Variants in PCDHGA9 observed in about 807,000 individuals in gnomAD.
PCDHGA9 encodes the protein protocadherin gamma-A9.
PCDHGA9 carries 37 observed loss-of-function variants against 62.5 expected under a neutral mutation model. The observed-to-expected ratio is 0.59, with a 90% CI of 0.46 to 0.78. The LOEUF (loss-of-function observed/expected upper bound fraction) is 0.78, where lower values mean the gene tolerates loss of function less well. Ranked by LOEUF, PCDHGA9 falls within the 30% of genes least tolerant of loss-of-function variation. The pLI, the probability that PCDHGA9 is intolerant of heterozygous loss-of-function variation, is 0.00. For synonymous variants in PCDHGA9, 459 were observed against 484.6 expected (o/e 0.95, Z 0.69); for missense variants, 1,138 against 1,166.2 (o/e 0.98, Z 0.35).
At chr5:141,478,670 C>T (rs1413742587) in intron 1 of PCDHGA9, 28 of 1,551,664 alleles carry the variant, frequency 1.8e-5, no homozygotes, top group Non-Finnish European at 2.4e-5. Flanking sequence ...TTCACACTTT[C>T]AACTGGCCCT....
intron 1 of PCDHGA9, chr5:141,413,424 G>T: frequency 6.2e-7 from 1 of 1,614,086 alleles, no homozygotes; most frequent in Non-Finnish European, 8.5e-7. Flanking sequence ...CTCTGAACCC[G>T]CGCAGCGGCA....
Position 141,484,782 on chromosome 5 carries a change from C to A in PCDHGA9, c.2425-10025C>A, listed in dbSNP as rs572593816. 2.0e-5 allele frequency among the ~76,000 whole-genome samples: 3 copies of A among 152,066 alleles called. No homozygotes were observed. In the South Asian group the frequency reaches 6.3e-4, roughly 32 times the overall value. On this transcript the variant is annotated intron_variant, in intron 1 of 3. Transcript: ENST00000573521. Reference sequence around the variant, plus strand: ...TATATATATGTTGTCTGCCTCCCCACAGAGATAACAACCCGTGGAAAAACA... The same window carrying A: ...TATATATATGTTGTCTGCCTCCCCAAAGAGATAACAACCCGTGGAAAAACA...
chr5:141,443,999 T>C (rs2098413024), intron 1 of PCDHGA9, among the ~76,000 whole-genome samples: 1 of 152,136 alleles, frequency 6.6e-6, no homozygotes, highest in Non-Finnish European at 1.5e-5. Context: ...TTTTAAATGC[T>C]ACCTGGGTAT....
At chr5:141,418,512 G>C (rs776986277) in intron 1 of PCDHGA9, 1 of 1,613,966 alleles carries the variant, frequency 6.2e-7, no homozygotes, top group Non-Finnish European at 8.5e-7. Context: ...TTAGATGGTG[G>C]GGACCCTCCC....
At chr5:141,507,003 G>A (rs569257489) in intron 3 of PCDHGA9, 3 of 152,342 alleles carry the variant, frequency 2.0e-5, no homozygotes, top group African/African-American at 7.2e-5. Context: ...CGACAGATGA[G>A]AGAACCGAGA....
chr5:141,430,471 T>TA (rs759564776), intron 1 of PCDHGA9: 176 of 234,152 alleles, frequency 7.5e-4, no homozygotes, highest in Non-Finnish European at 1.1e-3. Context: ...TGGAGCTATT[T>TA]AAGATATAAA....
intron 1 of PCDHGA9, among the ~76,000 whole-genome samples, chr5:141,424,873 A>G (rs549945556): frequency 3.9e-5 from 6 of 152,198 alleles, no homozygotes; most frequent in Non-Finnish European, 8.8e-5. Context: ...CAAATGAGGA[A>G]AGGAGACTTA....
chr5:141,413,914 A>G (rs776089620), intron 1 of PCDHGA9: 13 of 1,613,234 alleles, frequency 8.1e-6, no homozygotes. Flanking sequence ...GCCGGTCTTC[A>G]CCTTGCCAGA....
chr5:141,508,737 C>T (rs919094477), intron 3 of PCDHGA9, among the ~76,000 whole-genome samples: 1 of 152,010 alleles, frequency 6.6e-6, no homozygotes, highest in Non-Finnish European at 1.5e-5. Flanking sequence ...CTACACCCCC[C>T]ACCCCGCTCT....
Position 141,456,898 on chromosome 5 carries a change from G to A in PCDHGA9, c.2425-37909G>A, listed in dbSNP as rs1046778634. 3.9e-5 allele frequency among the ~76,000 whole-genome samples: 6 copies of A among 152,284 alleles called. No individual in the cohort carries two copies. The South Asian group carries it at 6.2e-4, about 16-fold the overall frequency. On this transcript the variant is annotated intron_variant, in intron 1 of 3. Transcript: ENST00000573521. ...GAATCGCTTGAACCCGGGAGGCAGA[G>A]GTTGCAGTGAGCCGAGATCGCACCA...
intron 1 of PCDHGA9, chr5:141,419,602 C>T (rs757423030): frequency 6.2e-7 from 1 of 1,611,874 alleles, no homozygotes; most frequent in Admixed American, 1.7e-5. Flanking sequence ...TGCCGCGGGC[C>T]GCGCAGCCAG....
rs922405350 is a variant in PCDHGA9, at chr5:141,512,227, T to C, written c.*1054T>C. 5 of 152,764 alleles carry C rather than the reference T, an allele frequency of 3.3e-5. No homozygotes were observed. The highest frequency in any genetic ancestry group is 1.2e-4 in the African/African-American group (5 of 41,552). 9.5% of individuals were successfully genotyped at this position (152,764 alleles called of 1,614,324 possible). On this transcript the variant is annotated 3_prime_UTR_variant, in exon 4 of 4. Transcript: ENST00000573521. ...AAGCAGGTTTAGGACCAGGTCCCCTTGAGAGGTCAGAGGGGCCTCTGTGGG... is the reference window on the plus strand; with the variant it reads ...AAGCAGGTTTAGGACCAGGTCCCCTCGAGAGGTCAGAGGGGCCTCTGTGGG...
intron 3 of PCDHGA9, among the ~76,000 whole-genome samples, chr5:141,505,926 G>T (rs114056147): frequency 6.6e-6 from 1 of 152,146 alleles, no homozygotes; most frequent in African/African-American, 2.4e-5. Flanking sequence ...TGGGCCTGGC[G>T]CTTGGAAGCC....
In PCDHGA9 at chr5:141,496,208, G is replaced by T. The variant is rs530974273; in HGVS notation, c.2483+1343G>T. On this transcript the variant is annotated intron_variant, in intron 2 of 3. Coordinates refer to ENST00000573521, the MANE Select transcript of PCDHGA9 (RefSeq NM_018921.3). Reference sequence around the variant, plus strand: ...CCAGCTGCTCATTTCAATCTGGTATGAATTCCTGCTGAGACAGGAACCCCC... The same window carrying T: ...CCAGCTGCTCATTTCAATCTGGTATTAATTCCTGCTGAGACAGGAACCCCC... Among the ~76,000 whole-genome samples, 13 of 152,222 alleles carry T rather than the reference G, an allele frequency of 8.5e-5. No homozygotes were observed. In the East Asian group the frequency reaches 2.3e-3, roughly 27 times the overall value.
At chr5:141,437,999 C>T (rs1230507077) in intron 1 of PCDHGA9, among the ~76,000 whole-genome samples, 1 of 152,062 alleles carries the variant, frequency 6.6e-6, no homozygotes, top group African/African-American at 2.4e-5. Flanking sequence ...CCTCAGCCTC[C>T]CAAATAGCTG....
At chr5:141,459,531 A>G (rs1479666418) in intron 1 of PCDHGA9, among the ~76,000 whole-genome samples, 2 of 152,184 alleles carry the variant, frequency 1.3e-5, no homozygotes, top group Admixed American at 1.3e-4. Context: ...TTTTGTAGGC[A>G]TATTTTTTTT....
At chr5:141,501,355 A>G (rs936121172) in intron 2 of PCDHGA9, among the ~76,000 whole-genome samples, 4 of 151,760 alleles carry the variant, frequency 2.6e-5, no homozygotes, top group African/African-American at 9.7e-5. Flanking sequence ...ATAGGGCAAG[A>G]ACCATATTCA....
At chr5:141,453,058 G>C (rs2098754889) in intron 1 of PCDHGA9, among the ~76,000 whole-genome samples, 2 of 152,076 alleles carry the variant, frequency 1.3e-5, no homozygotes, top group Admixed American at 1.3e-4. Flanking sequence ...TGCAGTTTTA[G>C]AGTTTTGCCA....
chr5:141,477,059 A>T lies in PCDHGA9; in HGVS notation c.2425-17748A>T. The T allele has an allele frequency of 6.2e-7, 1 of 1,614,238 alleles. No homozygotes were observed. Among genetic ancestry groups the T allele is most frequent in the Non-Finnish European group, 8.5e-7 (1 of 1,180,036 alleles). ...CAAGGGTCGGCTGGACTTCGAGGAC[A>T]CCAAACTCCATGAGATTTACATCCA... On this transcript the variant is annotated intron_variant, in intron 1 of 3. Transcript: ENST00000573521. The surrounding 1 kb of genome is among the most constrained non-coding windows in gnomAD (Gnocchi z 4.9).
Sources: gnomAD v4.1 joint callset for allele counts (sites outside exome capture counted in the v4.1 genomes callset) on GRCh38, gnomAD v4.1.1 for gene constraint, Gnocchi (gnomAD v3.1) non-coding constraint, MANE v1.5 for transcripts, NCBI Gene and HGNC (gene_info 2026-07-23, HGNC 2026-07-21) for gene names.